The following PTCHD1 variants were observed in gnomAD, a reference collection of about 807,000 sequenced individuals.
The protein encoded by PTCHD1 is patched domain containing 1.
PTCHD1 carries 3 observed loss-of-function variants against 34.6 expected under a neutral mutation model. The observed-to-expected ratio is 0.09, with a 90% CI of 0.04 to 0.22. PTCHD1 has a LOEUF of 0.22. Among genes scored for constraint, PTCHD1 ranks in the 10% least tolerant of loss-of-function variants. The pLI is 1.00. For missense variants in PTCHD1, 504 were observed against 685.5 expected (o/e 0.74, Z 2.96); for synonymous variants, 305 against 283.1 (o/e 1.08, Z -0.77).
chrX:23,393,311 T>G lies in PTCHD1; in HGVS notation c.1793T>G (p.Leu598Arg). ...FESYLNYLRK[L>R]NVSTGLPKKN... ...AGCTATTTAAATTACCTTCGGAAAC[T>G]CAATGTATCCACTGGCTTGCCTAAG... Residue 598 changes from leucine to arginine, a missense_variant, in exon 3 of 3, where the codon CTC (leucine) becomes CGC (arginine). Transcript: ENST00000379361. 1 of 1,211,217 alleles carries G rather than the reference T, an allele frequency of 8.3e-7. No individual in the cohort carries two copies. Among genetic ancestry groups the G allele is most frequent in the Non-Finnish European group, 1.1e-6 (1 of 894,742 alleles).
At position 23,401,048 on chromosome X, in the gene PTCHD1, T is replaced by TGTGTGTGTG. The variant is rs1411048577; in HGVS notation, c.*6864_*6872dup. 1.8e-5 allele frequency: 2 copies of TGTGTGTGTG among 109,112 alleles called. No homozygotes were observed. The highest frequency in any genetic ancestry group is 3.8e-5 in the Non-Finnish European group (2 of 52,609). The allele number at this position is 109,112 out of a possible 1,213,427, so 9.0% of individuals were successfully genotyped here. On this transcript the variant is annotated 3_prime_UTR_variant, in exon 3 of 3. Coordinates refer to ENST00000379361, the MANE Select transcript of PTCHD1 (RefSeq NM_173495.3). Reference sequence around the variant, plus strand: ...TTGTGTGTGTGTGTGTGTGTGTGTGTGTGTGTGTGTTTAGTAGAGATGGGG... The same window carrying TGTGTGTGTG: ...TTGTGTGTGTGTGTGTGTGTGTGTGTGTGTGTGTGGTGTGTGTGTTTAGTAGAGATGGGG...
chrX:23,399,422 CAT>C lies in PTCHD1; in HGVS notation c.*5238_*5239del, dbSNP rs1923067808. On this transcript the variant is annotated 3_prime_UTR_variant, in exon 3 of 3. Coordinates refer to ENST00000379361, the MANE Select transcript of PTCHD1 (RefSeq NM_173495.3). ...TGCAAAAATGTGTGTATATGTTCAA[CAT>C]GTGCATTTTCCTAAACTGAGGGCTC... 2.7e-5 allele frequency: 3 copies of C among 111,289 alleles called. No individual in the cohort carries two copies. The South Asian group carries it at 1.2e-3, about 43-fold the overall frequency. The allele number at this position is 111,289 out of a possible 1,213,427, so 9.2% of individuals were successfully genotyped here. A position where few individuals can be genotyped will look rare whatever the true frequency, so the allele number is the denominator to read the frequency against.
chrX:23,341,753 G>A (rs1271399068), intron 1 of PTCHD1, among the ~76,000 whole-genome samples: 3 of 112,485 alleles, frequency 2.7e-5, no homozygotes, highest in African/African-American at 9.7e-5. Context: ...TTTCTTACGG[G>A]AAGCCCTGAA....
chrX:23,365,520 C>A (rs1270997486), intron 1 of PTCHD1, among the ~76,000 whole-genome samples: 1 of 110,829 alleles, frequency 9.0e-6, no homozygotes, highest in Non-Finnish European at 1.9e-5. Context: ...AGGAAGGAGC[C>A]TAAAAGGGCA....
At chrX:23,348,257 A>G (rs1427587591) in intron 1 of PTCHD1, among the ~76,000 whole-genome samples, 2 of 96,459 alleles carry the variant, frequency 2.1e-5, no homozygotes, top group Non-Finnish European at 4.0e-5. Flanking sequence ...TGAAACACAA[A>G]GAGTTAAAAG....
At chrX:23,337,934 T>C (rs1218710420) in intron 1 of PTCHD1, among the ~76,000 whole-genome samples, 3 of 110,959 alleles carry the variant, frequency 2.7e-5, no homozygotes, top group Non-Finnish European at 3.8e-5. Flanking sequence ...AAAAAAAAAA[T>C]AGACTGGGAG....
In PTCHD1 at chrX:23,396,817, GATTT is replaced by G. The variant is rs1434515687; in HGVS notation, c.*2636_*2639del. 3 of 112,103 alleles carry G rather than the reference GATTT, an allele frequency of 2.7e-5. No individual in the cohort carries two copies. Among genetic ancestry groups the G allele is most frequent in the Non-Finnish European group, 5.6e-5 (3 of 53,174 alleles). The allele number at this position is 112,103 out of a possible 1,213,427, so 9.2% of individuals were successfully genotyped here. A position where few individuals can be genotyped will look rare whatever the true frequency, so the allele number is the denominator to read the frequency against. ...TCTATTGGGAGATTATGCATGCCAA[GATTT>G]ATTATTTATTGTTAGATAATTATTA... On this transcript the variant is annotated 3_prime_UTR_variant, in exon 3 of 3. Transcript: ENST00000379361.
intron 1 of PTCHD1, among the ~76,000 whole-genome samples, chrX:23,354,761 T>TG (rs1921755890): frequency 9.2e-6 from 1 of 108,358 alleles, no homozygotes; most frequent in Admixed American, 9.9e-5. Flanking sequence ...TTAGTAGAGA[T>TG]GGGGTTTCAC....
intron 2 of PTCHD1, among the ~76,000 whole-genome samples, chrX:23,380,665 CAGGCAGTTGAAGGT>C (rs1484038136): frequency 9.0e-6 from 1 of 111,554 alleles, no homozygotes; most frequent in Non-Finnish European, 1.9e-5. Flanking sequence ...CAGTTGAAGG[CAGGCAGTTGAAGGT>C]ATGTTAATGA....
In PTCHD1 at chrX:23,393,121, G is replaced by A; in HGVS notation, c.1603G>A (p.Ala535Thr). 2.5e-6 allele frequency: 3 copies of A among 1,211,082 alleles called. No individual in the cohort carries two copies. Among genetic ancestry groups the A allele is most frequent in the South Asian group, 3.5e-5 (2 of 56,947 alleles). Residue 535 changes from alanine (A) to threonine (T), a missense_variant, in exon 3 of 3, where the codon GCG becomes ACG. Physicochemically the swap from Ala to Thr is moderately conservative, Grantham distance 58. Transcript: ENST00000379361. ...AGACCTTAGTAACATTGTAGCAACC[G>A]CGACACAAACCATTGAGTACACTAC... ...GSDLSNIVAT[A>T]TQTIEYTTAQ...
rs763281051 is a variant in PTCHD1 at position 23,404,003 on chromosome X, A to T, written c.*9818A>T. 4.5e-5 allele frequency: 5 copies of T among 112,161 alleles called. No individual in the cohort carries two copies. Among genetic ancestry groups the T allele is most frequent in the Non-Finnish European group, 9.4e-5 (5 of 53,234 alleles). 9.2% of individuals were successfully genotyped at this position (112,161 alleles called of 1,213,427 possible). A position where few individuals can be genotyped will look rare whatever the true frequency, so the allele number is the denominator to read the frequency against. ...ATCAGCAGGGAAAACCATCCCACTG[A>T]TGATTGGCAATTCCACCGTTCCTCT... On this transcript the variant is annotated 3_prime_UTR_variant, in exon 3 of 3. Transcript: ENST00000379361.
chrX:23,377,164 A>G (rs1922432762), intron 1 of PTCHD1, among the ~76,000 whole-genome samples: 1 of 112,172 alleles, frequency 8.9e-6, no homozygotes, highest in Non-Finnish European at 1.9e-5. Context: ...CTTATTTGGC[A>G]ATCTTTTTCT....
At chrX:23,367,134 A>ATGTCTACGTTACTTG (rs1922167227) in intron 1 of PTCHD1, among the ~76,000 whole-genome samples, 2 of 112,387 alleles carry the variant, frequency 1.8e-5, no homozygotes, top group Non-Finnish European at 3.7e-5. Context: ...ACTTGAAGAT[A>ATGTCTACGTTACTTG]AAGTTATGTC....
chrX:23,334,953 C>T lies in PTCHD1; in HGVS notation c.78C>T (p.Val26=), dbSNP rs776836458. 35 of 1,206,118 alleles carry T rather than the reference C, an allele frequency of 2.9e-5. No homozygotes were observed. The highest frequency in any genetic ancestry group is 7.0e-5 in the African/African-American group (4 of 57,027). ...RLGHFIASHP[V]FFASAPVLIS... Reference sequence around the variant, plus strand: ...GCCACTTCATTGCCAGTCACCCTGTCTTCTTCGCCTCGGCGCCGGTGCTCA... The same window carrying T: ...GCCACTTCATTGCCAGTCACCCTGTTTTCTTCGCCTCGGCGCCGGTGCTCA... The change falls in exon 1 of 3, where the codon GTC becomes GTT. Residue 26 remains valine (V), a synonymous_variant. Transcript: ENST00000379361.
chrX:23,344,975 C>T (rs778760150), intron 1 of PTCHD1, among the ~76,000 whole-genome samples: 1 of 111,999 alleles, frequency 8.9e-6, no homozygotes, highest in South Asian at 3.8e-4. Context: ...AGTAGATCTG[C>T]AAGCACTTCA....
chrX:23,356,866 A>C (rs1251085985), intron 1 of PTCHD1, among the ~76,000 whole-genome samples: 1 of 111,493 alleles, frequency 9.0e-6, no homozygotes, highest in Non-Finnish European at 1.9e-5. Context: ...AATGATTCTC[A>C]ATGCACACAG....
In PTCHD1 at chrX:23,402,245, A is replaced by G. The variant is rs892363421; in HGVS notation, c.*8060A>G. 11 of 111,322 alleles carry G rather than the reference A, an allele frequency of 9.9e-5. No individual in the cohort carries two copies. Among genetic ancestry groups the G allele is most frequent in the African/African-American group, 3.6e-4 (11 of 30,576 alleles). The allele number at this position is 111,322 out of a possible 1,213,427, so 9.2% of individuals were successfully genotyped here. ...GCAACATCCATTTAGAAGAACAGTC[A>G]CACAAGCAACAGAAGAACTATCCAA... is the stretch of plus-strand genomic sequence containing the variant. On this transcript the variant is annotated 3_prime_UTR_variant, in exon 3 of 3. Coordinates refer to ENST00000379361, the MANE Select transcript of PTCHD1 (RefSeq NM_173495.3).
intron 2 of PTCHD1, among the ~76,000 whole-genome samples, chrX:23,382,403 T>G (rs1922589616): frequency 8.9e-6 from 1 of 112,913 alleles, no homozygotes; most frequent in African/African-American, 3.2e-5. Flanking sequence ...TTCTTAAAAC[T>G]TACTTTTTTG....
rs191811007 is a variant in PTCHD1, at chrX:23,341,047, G to A, written c.351+5821G>A. On this transcript the variant is annotated intron_variant, in intron 1 of 2. Coordinates refer to ENST00000379361, the MANE Select transcript of PTCHD1 (RefSeq NM_173495.3). ...TGACTTTTAAGTACATTTGATTTTT[G>A]CGATTAGTATGTAAAATGCCCACTT... Among the ~76,000 whole-genome samples, 172 of 112,246 alleles carry A rather than the reference G, an allele frequency of 1.5e-3. 2 individuals are homozygous for A. The highest frequency in any genetic ancestry group is 0.014 in the Admixed American group (144 of 10,617).
Sources: allele counts gnomAD v4.1 joint callset (sites outside exome capture counted in the v4.1 genomes callset), GRCh38; gene constraint gnomAD v4.1.1; transcripts MANE v1.5; gene names NCBI Gene and HGNC (gene_info 2026-07-23, HGNC 2026-07-21).